Variants in RAB3GAP1 observed in about 807,000 individuals in gnomAD.
The protein encoded by RAB3GAP1 is RAB3 GTPase activating protein catalytic subunit 1.
RAB3GAP1 carries 86 observed loss-of-function variants against 130.7 expected under a neutral mutation model. The ratio of observed to expected loss-of-function variants is 0.66; its 90% CI spans 0.55 to 0.79. RAB3GAP1 has a LOEUF of 0.79. Ranked by LOEUF, RAB3GAP1 falls within the 30% of genes least tolerant of loss-of-function variation. RAB3GAP1 has a pLI of 0.00. For missense variants in RAB3GAP1, 1,029 were observed against 1,169.4 expected, an observed-to-expected ratio of 0.88 and a Z score of 1.75; for synonymous variants, 367 against 401.7, an observed-to-expected ratio of 0.91 and a Z score of 1.03.
At chr2:135,124,480 G>A (rs1166310493) in intron 9 of RAB3GAP1, among the ~76,000 whole-genome samples, 3 of 152,090 alleles carry the variant, frequency 2.0e-5, no homozygotes, top group Non-Finnish European at 2.9e-5. Flanking sequence ...CCTGACCAAC[G>A]TGGCGAAACC....
intron 3 of RAB3GAP1, among the ~76,000 whole-genome samples, chr2:135,081,327 A>AAAAAAATATAT (rs1363481112): frequency 1.6e-5 from 1 of 64,066 alleles, no homozygotes; most frequent in Non-Finnish European, 2.3e-5. Flanking sequence ...AAAAAAAAAA[A>AAAAAAATATAT]ATATATATAT....
At chr2:135,164,375 T>C (rs2105000732) in intron 22 of RAB3GAP1, among the ~76,000 whole-genome samples, 1 of 152,350 alleles carries the variant, frequency 6.6e-6, no homozygotes, top group Non-Finnish European at 1.5e-5. Flanking sequence ...CTTTAAACAT[T>C]TTTTATGAGC....
At chr2:135,131,225 T>G (rs1392035453) in intron 13 of RAB3GAP1, among the ~76,000 whole-genome samples, 3 of 152,070 alleles carry the variant, frequency 2.0e-5, no homozygotes, top group Non-Finnish European at 4.4e-5. Flanking sequence ...TATTTTTTAT[T>G]TTATTTATTT....
chr2:135,111,231 T>C (rs2104909719), intron 5 of RAB3GAP1, among the ~76,000 whole-genome samples: 1 of 152,262 alleles, frequency 6.6e-6, no homozygotes, highest in Admixed American at 6.5e-5. Context: ...GATTAATAAT[T>C]CTTTATATAC....
Position 135,168,765 on chromosome 2 carries a change from A to G in RAB3GAP1, c.2930A>G (p.Asp977Gly), listed in dbSNP as rs1288582397. Reference sequence around the variant, plus strand: ...AGACTTGCAGGTGCCTTTTCATCAGATACTTCCTTCTTCTGATTCTTCTAG... The same window carrying G: ...AGACTTGCAGGTGCCTTTTCATCAGGTACTTCCTTCTTCTGATTCTTCTAG... ...DFRLAGAFSS[D>G]TSFF Residue 977 changes from aspartate (D) to glycine (G), a missense_variant, in exon 24 of 24, where the codon GAT becomes GGT. By Grantham distance (94) the Asp-to-Gly change is moderately conservative. Coordinates refer to ENST00000264158, the MANE Select transcript of RAB3GAP1 (RefSeq NM_012233.3). 1 of 1,613,064 alleles carries G rather than the reference A, an allele frequency of 6.2e-7. No individual in the cohort carries two copies. Among genetic ancestry groups the G allele is most frequent in the East Asian group, 2.2e-5 (1 of 44,874 alleles).
downstream of RAB3GAP1, among the ~76,000 whole-genome samples, chr2:135,174,769 A>G (rs1285961757): frequency 6.6e-6 from 1 of 152,222 alleles, no homozygotes; most frequent in African/African-American, 2.4e-5. Flanking sequence ...ATATTTTTAG[A>G]GTGTGAATTT....
chr2:135,160,848 G>C (rs1293857860), intron 19 of RAB3GAP1, among the ~76,000 whole-genome samples: 1 of 152,024 alleles, frequency 6.6e-6, no homozygotes, highest in Non-Finnish European at 1.5e-5. Flanking sequence ...AGGAAATACA[G>C]ATATTTTGGG....
At chr2:135,161,186 G>T (rs1692456076) in intron 19 of RAB3GAP1, among the ~76,000 whole-genome samples, 1 of 152,126 alleles carries the variant, frequency 6.6e-6, no homozygotes, top group South Asian at 2.1e-4. Flanking sequence ...TAGTTCAATT[G>T]TTAGGTATAT....
At chr2:135,112,824 TCTCTCTCTCTCACACA>T (rs1391555744) in intron 5 of RAB3GAP1, among the ~76,000 whole-genome samples, 5 of 136,944 alleles carry the variant, frequency 3.7e-5, no homozygotes, top group African/African-American at 9.6e-5. Context: ...AGTCTCTCTC[TCTCTCTCTCTCACACA>T]CACACACACA....
At position 135,134,062 on chromosome 2, in the gene RAB3GAP1, A is replaced by T. The variant is rs781212893; in HGVS notation, c.1499+29A>T. On this transcript the variant is annotated intron_variant, in intron 15 of 23. Coordinates refer to ENST00000264158, the MANE Select transcript of RAB3GAP1 (RefSeq NM_012233.3). ...ATAATTTCAATTTTCAATTGTTTGGATACGATTTTGTTTGTTAGCAGACAT... is the reference window on the plus strand; with the variant it reads ...ATAATTTCAATTTTCAATTGTTTGGTTACGATTTTGTTTGTTAGCAGACAT... 1.2e-5 allele frequency: 19 copies of T among 1,611,874 alleles called. No individual in the cohort carries two copies. In the South Asian group the frequency reaches 1.9e-4, roughly 16 times the overall value.
At chr2:135,161,017 C>G (rs1471608456) in intron 19 of RAB3GAP1, among the ~76,000 whole-genome samples, 3 of 152,124 alleles carry the variant, frequency 2.0e-5, no homozygotes, top group Non-Finnish European at 4.4e-5. Context: ...TCACATATTT[C>G]ACGTTATTCC....
In RAB3GAP1 at chr2:135,169,747, T is replaced by A. The variant is rs1436015744; in HGVS notation, c.*966T>A. On this transcript the variant is annotated 3_prime_UTR_variant, in exon 24 of 24. Transcript: ENST00000264158. ...TTTGTATTTTAGTTAAAATAATCGA[T>A]GGGGATGTGTAGCCCCCCCGTGTGA... 2.2e-6 allele frequency: 1 copy of A among 456,350 alleles called. No homozygotes were observed. Among genetic ancestry groups the A allele is most frequent in the Non-Finnish European group, 4.4e-6 (1 of 226,754 alleles). The allele number at this position is 456,350 out of a possible 1,614,324, so 28.3% of individuals were successfully genotyped here.
intron 3 of RAB3GAP1, among the ~76,000 whole-genome samples, chr2:135,075,650 T>A (rs567852229): frequency 8.5e-4 from 126 of 148,970 alleles, no homozygotes; most frequent in African/African-American, 1.8e-3. Context: ...TTTTTTTTTT[T>A]AAATTTTTTT....
At chr2:135,057,048 C>G (rs2104820474) in intron 2 of RAB3GAP1, among the ~76,000 whole-genome samples, 1 of 152,292 alleles carries the variant, frequency 6.6e-6, no homozygotes, top group Middle Eastern at 3.4e-3. Context: ...AATAATTCTT[C>G]TGAAAATGTC....
intron 19 of RAB3GAP1, among the ~76,000 whole-genome samples, chr2:135,160,674 C>CAAAA (rs59034119): frequency 8.9e-5 from 3 of 33,868 alleles, no homozygotes; most frequent in Non-Finnish European, 1.5e-4. Context: ...GACCCTGTCT[C>CAAAA]AAAAAAAAAA....
intron 7 of RAB3GAP1, among the ~76,000 whole-genome samples, chr2:135,115,818 C>G (rs1690953720): frequency 2.6e-5 from 4 of 152,146 alleles, no homozygotes; most frequent in Admixed American, 1.3e-4. Flanking sequence ...ATTTAATTTT[C>G]AAGGTTAATC....
chr2:135,093,159 G>A (rs1690192363), intron 4 of RAB3GAP1, among the ~76,000 whole-genome samples: 1 of 152,184 alleles, frequency 6.6e-6, no homozygotes, highest in Non-Finnish European at 1.5e-5. Context: ...TAATTTAAGT[G>A]TGTAAACATA....
At chr2:135,126,976 A>T (rs1691367588) in intron 11 of RAB3GAP1, among the ~76,000 whole-genome samples, 1 of 151,070 alleles carries the variant, frequency 6.6e-6, no homozygotes, top group Non-Finnish European at 1.5e-5. Flanking sequence ...CCCGGGTTCA[A>T]GTGATTCTCC....
chr2:135,096,324 T>C (rs548173908), intron 5 of RAB3GAP1, among the ~76,000 whole-genome samples: 38 of 152,334 alleles, frequency 2.5e-4, no homozygotes, highest in Admixed American at 1.4e-3. Flanking sequence ...AAAATGACAT[T>C]AATCTGTGTT....
Sources: allele counts gnomAD v4.1 joint callset (sites outside exome capture counted in the v4.1 genomes callset), GRCh38; gene constraint gnomAD v4.1.1; transcripts MANE v1.5; gene names NCBI Gene and HGNC (gene_info 2026-07-23, HGNC 2026-07-21).